Variants in GLCE observed in about 807,000 individuals in gnomAD.
The protein encoded by GLCE is D-glucuronyl C5-epimerase.
In GLCE, 19 loss-of-function variants were observed where a neutral mutation model predicts 47.9. That is an observed-to-expected ratio of 0.40 (90% confidence interval 0.28 to 0.58). GLCE has a LOEUF of 0.58. Ranked by LOEUF, GLCE falls within the 20% of genes least tolerant of loss-of-function variation. The probability of loss-of-function intolerance (pLI) is 0.48; values close to 1 mark genes in which losing one functional copy is unlikely to be tolerated. For synonymous variants in GLCE, 245 were observed against 263.4 expected (o/e 0.93, Z 0.68); for missense variants, 556 against 743.3 (o/e 0.75, Z 2.93).
At chr15:69,182,723 G>T (rs1481899768) in intron 1 of GLCE, among the ~76,000 whole-genome samples, 5 of 152,042 alleles carry the variant, frequency 3.3e-5, no homozygotes, top group Non-Finnish European at 2.9e-5. Flanking sequence ...CTTAAAAATG[G>T]TATTTCGAGG....
At chr15:69,169,355 A>G (rs2051551998) in intron 1 of GLCE, among the ~76,000 whole-genome samples, 1 of 152,228 alleles carries the variant, frequency 6.6e-6, no homozygotes, top group African/African-American at 2.4e-5. Context: ...TCATTTAAAT[A>G]TATAATAAAA....
At chr15:69,163,673 A>AGG (rs1372155552) in intron 1 of GLCE, among the ~76,000 whole-genome samples, 1 of 152,324 alleles carries the variant, frequency 6.6e-6, no homozygotes, top group East Asian at 1.9e-4. Flanking sequence ...ATTCTTCAGG[A>AGG]GGGAGTTGCA....
chr15:69,246,374 A>G (rs1002156763), intron 2 of GLCE, among the ~76,000 whole-genome samples: 2 of 152,194 alleles, frequency 1.3e-5, no homozygotes, highest in Non-Finnish European at 1.5e-5. Context: ...CAGAGGAATC[A>G]CCATCTATGG....
intron 1 of GLCE, among the ~76,000 whole-genome samples, chr15:69,188,259 C>CA (rs1311885031): frequency 6.6e-6 from 1 of 151,904 alleles, no homozygotes; most frequent in Non-Finnish European, 1.5e-5. Context: ...CAAAACAAAA[C>CA]AAAAAAACAC....
chr15:69,193,572 A>G (rs1218575718), intron 1 of GLCE, among the ~76,000 whole-genome samples: 1 of 152,014 alleles, frequency 6.6e-6, no homozygotes, highest in African/African-American at 2.4e-5. Context: ...TTTTGTTTCA[A>G]ATTTTTGTAT....
At position 69,255,784 on chromosome 15, in the gene GLCE, G is replaced by C; in HGVS notation, c.-13-10G>C. 6.9e-7 allele frequency: 1 copy of C among 1,454,804 alleles called. No homozygotes were observed. Among genetic ancestry groups the C allele is most frequent in the Non-Finnish European group, 9.4e-7 (1 of 1,059,128 alleles). 90.1% of individuals were successfully genotyped at this position (1,454,804 alleles called of 1,614,324 possible). On this transcript the variant is annotated splice_polypyrimidine_tract_variant and intron_variant, in intron 2 of 4. Coordinates refer to ENST00000261858, the MANE Select transcript of GLCE (RefSeq NM_015554.3). ...TCTTTGCATGATTTTTTTTCTTCTT[G>C]CCTCCATAGGTATGGTCTGAATATG...
At chr15:69,225,659 A>G (rs1047346026) in intron 2 of GLCE, among the ~76,000 whole-genome samples, 3 of 152,206 alleles carry the variant, frequency 2.0e-5, no homozygotes, top group African/African-American at 7.2e-5. Context: ...CTTGCATACT[A>G]AGGATTCTTT....
intron 1 of GLCE, among the ~76,000 whole-genome samples, chr15:69,204,271 G>A (rs369533341): frequency 1.7e-5 from 2 of 116,328 alleles, no homozygotes; most frequent in East Asian, 2.6e-4. Context: ...ACAAATGATT[G>A]TTTTACTTTT....
intron 1 of GLCE, among the ~76,000 whole-genome samples, chr15:69,162,916 A>AT (rs1015365035): frequency 3.3e-5 from 5 of 152,182 alleles, no homozygotes; most frequent in African/African-American, 9.6e-5. Flanking sequence ...AAAAGATGTC[A>AT]TTTTTTCTGA....
chr15:69,202,882 C>T (rs2052095412), intron 1 of GLCE, among the ~76,000 whole-genome samples: 2 of 151,962 alleles, frequency 1.3e-5, no homozygotes, highest in South Asian at 4.1e-4. Flanking sequence ...CTTATTCTGA[C>T]CTTTAATGTT....
intron 2 of GLCE, among the ~76,000 whole-genome samples, chr15:69,241,575 T>C (rs1042529963): frequency 2.0e-5 from 3 of 152,218 alleles, no homozygotes; most frequent in African/African-American, 7.2e-5. Context: ...ATTTTCAGAA[T>C]TGCCTAAGAT....
chr15:69,245,315 A>G (rs945670041), intron 2 of GLCE, among the ~76,000 whole-genome samples: 22 of 146,368 alleles, frequency 1.5e-4, no homozygotes, highest in Admixed American at 1.1e-3. Context: ...CCTGGGAGAC[A>G]GAGCAAGACT....
In GLCE at chr15:69,200,809, T is replaced by C. The variant is rs898053626; in HGVS notation, c.-104-9507T>C. Among the ~76,000 whole-genome samples, 4 of 152,078 alleles carry C rather than the reference T, an allele frequency of 2.6e-5. No individual in the cohort carries two copies. In the East Asian group the frequency reaches 7.7e-4, roughly 29 times the overall value. ...CTTTTTAATCTTACAGTTCTGTGAG[T>C]CAGTAGGCCAATCCAGGTCTCATTG... On this transcript the variant is annotated intron_variant, in intron 1 of 4. Transcript: ENST00000261858.
intron 1 of GLCE, among the ~76,000 whole-genome samples, chr15:69,187,982 T>C (rs2051850674): frequency 6.6e-6 from 1 of 152,120 alleles, no homozygotes; most frequent in Non-Finnish European, 1.5e-5. Flanking sequence ...GAGAATCACT[T>C]CAACCTGGGA....
intron 2 of GLCE, among the ~76,000 whole-genome samples, chr15:69,255,172 GT>G (rs1470403795): frequency 2.6e-5 from 4 of 152,172 alleles, no homozygotes; most frequent in African/African-American, 9.6e-5. Flanking sequence ...GGTCTACTGT[GT>G]TTTTTCAGAC....
intron 1 of GLCE, among the ~76,000 whole-genome samples, chr15:69,179,110 A>G (rs763588096): frequency 3.9e-5 from 6 of 152,234 alleles, no homozygotes; most frequent in Non-Finnish European, 5.9e-5. Flanking sequence ...TTCAAAATGC[A>G]TAGACTTTTC....
chr15:69,166,257 A>G (rs1361478653), intron 1 of GLCE, among the ~76,000 whole-genome samples: 2 of 152,218 alleles, frequency 1.3e-5, no homozygotes, highest in Non-Finnish European at 2.9e-5. Context: ...GCTCAGCGTC[A>G]TTATCTACTA....
chr15:69,206,887 T>C (rs1295189365), intron 1 of GLCE, among the ~76,000 whole-genome samples: 2 of 152,088 alleles, frequency 1.3e-5, no homozygotes, highest in Admixed American at 1.3e-4. Flanking sequence ...TACATTTGTA[T>C]ATTAATCATG....
intron 2 of GLCE, among the ~76,000 whole-genome samples, chr15:69,240,854 A>G (rs17360170): frequency 0.033 from 5,037 of 152,276 alleles, 124 homozygotes; most frequent in Non-Finnish European, 0.052. Context: ...TCCAATATAT[A>G]CAATTGACAT....
Sources: allele counts gnomAD v4.1 joint callset (sites outside exome capture counted in the v4.1 genomes callset), GRCh38; gene constraint gnomAD v4.1.1; transcripts MANE v1.5; gene names NCBI Gene and HGNC (gene_info 2026-07-23, HGNC 2026-07-21).